ZZZ3: variants seen among roughly 807,000 people sequenced by gnomAD.
ZZZ3 encodes the protein ZZ-type zinc finger-containing protein 3.
ZZZ3 carries 22 observed loss-of-function variants against 95.2 expected under a neutral mutation model. The observed-to-expected ratio is 0.23, with a 90% confidence interval of 0.17 to 0.33. The LOEUF (loss-of-function observed/expected upper bound fraction) is 0.33. Among genes scored for constraint, ZZZ3 ranks in the 10% least tolerant of loss-of-function variants. ZZZ3 has a pLI of 1.00. For synonymous variants in ZZZ3, 335 were observed against 358.9 expected (o/e 0.93, Z 0.75); for missense variants, 885 against 1,066.5 (o/e 0.83, Z 2.37).
chr1:77,575,874 T>C (rs986633599), intron 12 of ZZZ3, among the ~76,000 whole-genome samples, 194 bp downstream of exon 12: 4 of 152,200 alleles, frequency 2.6e-5, no homozygotes, highest in Non-Finnish European at 5.9e-5. Flanking sequence ...ATGTTGATAA[T>C]TGTTAAGGTT....
At chr1:77,573,694 A>T (rs576089571) in intron 12 of ZZZ3, among the ~76,000 whole-genome samples, 2 of 152,336 alleles carry the variant, frequency 1.3e-5, no homozygotes, top group South Asian at 4.1e-4. Context: ...AGGAAATTTT[A>T]AAATTTTTAT....
At position 77,582,005 on chromosome 1, in the gene ZZZ3, C is replaced by G. The variant is rs1415288757; in HGVS notation, c.1766G>C (p.Arg589Thr). ...TTTATCAAAAACTAGCTTAACTCTT[C>G]TAGTATGTCTTTTACGATTTTTAAA... is the stretch of plus-strand genomic sequence containing the variant. Reference protein sequence around the residue: ...REFKNRKRHTRRVKLVFDKVG... With the variant: ...REFKNRKRHTTRVKLVFDKVG... Residue 589 changes from arginine to threonine, a missense_variant, in exon 7 of 15, where the codon AGA (arginine) becomes ACA (threonine). Arg to Thr is a moderately conservative substitution (Grantham distance 71, BLOSUM62 -1). This residue lies in a region of ZZZ3 where 99 missense variants were observed against 119.8 expected (regional missense o/e 0.83). Transcript: ENST00000370801. The G allele has an allele frequency of 3.7e-6, 6 of 1,607,010 alleles. No individual in the cohort carries two copies. Among genetic ancestry groups the G allele is most frequent in the Non-Finnish European group, 5.1e-6 (6 of 1,174,480 alleles).
At chr1:77,626,242 T>C (rs992215307) in intron 5 of ZZZ3, among the ~76,000 whole-genome samples, 2 of 152,144 alleles carry the variant, frequency 1.3e-5, no homozygotes, top group Non-Finnish European at 2.9e-5. Context: ...ACTGGTTTCA[T>C]GAAGGACAAT....
intron 1 of ZZZ3, among the ~76,000 whole-genome samples, chr1:77,659,025 C>G (rs1373328803): frequency 6.6e-6 from 1 of 151,966 alleles, no homozygotes; most frequent in Non-Finnish European, 1.5e-5. Context: ...TCGAGACCAG[C>G]CTGAACAACA....
chr1:77,575,962 T>A, intron 12 of ZZZ3, 106 bp downstream of exon 12: 1 of 925,194 alleles, frequency 1.1e-6, no homozygotes, highest in African/African-American at 1.7e-5. Context: ...TACATTTGAC[T>A]TGTTCATTAA....
chr1:77,633,023 G>C lies in ZZZ3; in HGVS notation c.332C>G (p.Pro111Arg). 3.7e-6 allele frequency: 6 copies of C among 1,613,894 alleles called. No individual in the cohort carries two copies. Among genetic ancestry groups the C allele is most frequent in the Non-Finnish European group, 5.1e-6 (6 of 1,180,012 alleles). ...AATTCTTTTTAAAACTGGTGAAACA[G>C]GTTCTGTTTGCCTTCTCTCACAATT... is the stretch of plus-strand genomic sequence containing the variant. ...IENCERRQTE[P>R]VSPVLKRIKR... is the part of the protein sequence containing the mutation. Residue 111 changes from proline (P) to arginine (R), a missense_variant, in exon 5 of 15, where the codon CCT (proline) becomes CGT (arginine). Around this residue, in one of 5 missense-constraint regions of ZZZ3, gnomAD observed 556 missense variants for 652.9 expected, o/e 0.85. Transcript: ENST00000370801.
At chr1:77,575,032 A>G (rs1661784846) in intron 12 of ZZZ3, among the ~76,000 whole-genome samples, 1 of 152,100 alleles carries the variant, frequency 6.6e-6, no homozygotes, top group Non-Finnish European at 1.5e-5. Context: ...GAAAATACAA[A>G]AACTAGCCGG....
chr1:77,639,659 T>C (rs1357385164), intron 3 of ZZZ3, 57 bp from the exon 4 acceptor site: 8 of 400,194 alleles, frequency 2.0e-5, no homozygotes, highest in Admixed American at 9.0e-5. Context: ...CTTATGCTAA[T>C]AGATTTACTC....
intron 1 of ZZZ3, among the ~76,000 whole-genome samples, chr1:77,647,223 TA>T (rs1452673098): frequency 1.3e-5 from 2 of 152,070 alleles, no homozygotes; most frequent in Non-Finnish European, 2.9e-5. Context: ...GTTTCTACCA[TA>T]AGGACATAAT....
chr1:77,678,046 G>A (rs1003155673), intron 1 of ZZZ3, among the ~76,000 whole-genome samples: 2 of 152,004 alleles, frequency 1.3e-5, no homozygotes. Context: ...GCAATGCAAT[G>A]AAAAAAACTC....
chr1:77,577,317 T>C (rs1003840932), intron 11 of ZZZ3, among the ~76,000 whole-genome samples: 7 of 152,228 alleles, frequency 4.6e-5, no homozygotes, highest in Non-Finnish European at 5.9e-5. Context: ...GATGAAAACA[T>C]GGTTACATCT....
chr1:77,636,975 C>G (rs1668363088), intron 4 of ZZZ3, among the ~76,000 whole-genome samples: 1 of 152,106 alleles, frequency 6.6e-6, no homozygotes, highest in Admixed American at 6.6e-5. Flanking sequence ...TGTTTTATAA[C>G]AAGGATCCTT....
intron 1 of ZZZ3, among the ~76,000 whole-genome samples, chr1:77,679,168 T>C (rs1672527519): frequency 6.6e-6 from 1 of 152,212 alleles, no homozygotes; most frequent in East Asian, 1.9e-4. Flanking sequence ...ATAGTGGTTA[T>C]CAGAGCATTA....
intron 5 of ZZZ3, among the ~76,000 whole-genome samples, chr1:77,609,135 C>G (rs1665528528): frequency 6.6e-6 from 1 of 152,040 alleles, no homozygotes; most frequent in African/African-American, 2.4e-5. Flanking sequence ...CTGCTGCCTA[C>G]AAGAAACACA....
intron 14 of ZZZ3, 101 bp downstream of exon 14, chr1:77,565,980 G>T: frequency 9.0e-7 from 1 of 1,117,226 alleles, no homozygotes; most frequent in Non-Finnish European, 1.3e-6. Context: ...TTCACTAAGT[G>T]TGGGTATTAA....
Position 77,639,432 on chromosome 1 carries a change from A to C in ZZZ3, c.-52+17T>G. The C allele has an allele frequency of 6.6e-7, 1 of 1,512,206 alleles. No individual in the cohort carries two copies. The highest frequency in any genetic ancestry group is 8.8e-7 in the Non-Finnish European group (1 of 1,131,012). 93.7% of individuals were successfully genotyped at this position (1,512,206 alleles called of 1,614,324 possible). A position where few individuals can be genotyped will look rare whatever the true frequency, so the allele number is the denominator to read the frequency against. The stretch of plus-strand genomic sequence containing the variant: ...AAACTATAGCTGTCTTCACTACTGC[A>C]AAACTAAATAACTTACCTGTACAAC... On this transcript the variant is annotated intron_variant, in intron 4 of 14. Coordinates refer to ENST00000370801, the MANE Select transcript of ZZZ3 (RefSeq NM_015534.6).
At position 77,633,254 on chromosome 1, in the gene ZZZ3, G is replaced by A. The variant is rs200677861; in HGVS notation, c.101C>T (p.Ala34Val). ...CGRTLRNRSI[A>V]HPEEISSNSQ... ...ATTAGAAGAGATTTCTTCAGGATGC[G>A]CAATGCTACGATTCCTTAAAGTTCT... The change falls in exon 5 of 15, where the codon GCG becomes GTG. Residue 34 changes from alanine (A) to valine (V), a missense_variant. By Grantham distance (64) the Ala-to-Val change is moderately conservative (BLOSUM62 0). This residue lies in a region of ZZZ3 where 556 missense variants were observed against 652.9 expected (regional missense o/e 0.85). Transcript: ENST00000370801. The A allele has an allele frequency of 1.3e-4, 212 of 1,614,030 alleles. 5 individuals carry two copies. In the South Asian group the frequency reaches 1.4e-3, roughly 11 times the overall value.
intron 1 of ZZZ3, among the ~76,000 whole-genome samples, chr1:77,674,823 G>A (rs2101072829): frequency 6.6e-6 from 1 of 151,810 alleles, no homozygotes; most frequent in Non-Finnish European, 1.5e-5. Flanking sequence ...ATAGTGGCGT[G>A]TGCCTGTAGT....
chr1:77,566,108 A>G lies in ZZZ3; in HGVS notation c.2540T>C (p.Leu847Ser). ...GTCTGAACAAGAATCACAGAAATCC[A>G]AAGACATTTCTGGAGGACAATCCTG... ...HCQDCPPEMSLDFCDSCSDCL... is the reference protein window; with the variant it reads ...HCQDCPPEMSSDFCDSCSDCL... Residue 847 changes from leucine (L) to serine (S), a missense_variant, in exon 14 of 15, where the codon TTG (leucine) becomes TCG (serine). Leu to Ser is a moderately radical substitution (Grantham distance 145). This residue lies in a region of ZZZ3 where 221 missense variants were observed against 247.8 expected (regional missense o/e 0.89). Coordinates refer to ENST00000370801, the MANE Select transcript of ZZZ3 (RefSeq NM_015534.6). 3 of 1,613,222 alleles carry G rather than the reference A, an allele frequency of 1.9e-6. No homozygotes were observed. Among genetic ancestry groups the G allele is most frequent in the Non-Finnish European group, 2.5e-6 (3 of 1,179,520 alleles).
Sources: allele counts gnomAD v4.1 joint callset (sites outside exome capture counted in the v4.1 genomes callset), GRCh38; gene constraint gnomAD v4.1.1; regional missense constraint gnomAD v4.1.1; transcripts MANE v1.5; gene names NCBI Gene and HGNC (gene_info 2026-07-23, HGNC 2026-07-21).